ASPH: variants seen among roughly 807,000 people sequenced by gnomAD.
ASPH encodes aspartate beta-hydroxylase, also known as aspartyl/asparaginyl beta-hydroxylase.
ASPH carries 100 observed loss-of-function variants against 118.4 expected under a neutral mutation model. The ratio of observed to expected loss-of-function variants is 0.84; its 90% confidence interval spans 0.72 to 1.00. The LOEUF (loss-of-function observed/expected upper bound fraction) is 1.00, where lower values mean the gene tolerates loss of function less well. ASPH is among the 50% of genes least tolerant of loss of function. ASPH has a pLI of 0.00. For missense variants in ASPH, 920 were observed against 919.5 expected (o/e 1.00, Z -0.01); for synonymous variants, 315 against 325.6 (o/e 0.97, Z 0.35).
rs1313301060 is a variant in ASPH, at chr8:61,501,485, G to A, written c.*1874C>T. ...TGTAAGATGATGGCTCAAAAATGACGACTTATAGTTTGAATTTATGTGTAT... is the reference window on the plus strand; with the variant it reads ...TGTAAGATGATGGCTCAAAAATGACAACTTATAGTTTGAATTTATGTGTAT... On this transcript the variant is annotated 3_prime_UTR_variant, in exon 25 of 25. Transcript: ENST00000379454. 6.6e-6 allele frequency: 1 copy of A among 151,958 alleles called. No homozygotes were observed. Among genetic ancestry groups the A allele is most frequent in the Non-Finnish European group, 1.5e-5 (1 of 67,982 alleles). 9.4% of individuals were successfully genotyped at this position (151,958 alleles called of 1,614,324 possible). A position where few individuals can be genotyped will look rare whatever the true frequency, so the allele number is the denominator to read the frequency against.
chr8:61,684,694 A>G (rs1190054658), intron 1 of ASPH: 3 of 152,622 alleles, frequency 2.0e-5, no homozygotes, highest in African/African-American at 7.2e-5. Flanking sequence ...CTACTCCTTT[A>G]CAAGATCCGT....
chr8:61,524,750 T>A (rs1447038668), intron 22 of ASPH, among the ~76,000 whole-genome samples: 1 of 141,424 alleles, frequency 7.1e-6, no homozygotes, highest in African/African-American at 2.6e-5. Flanking sequence ...TTTTATCAAA[T>A]ACTTTTTTTT....
intron 1 of ASPH, among the ~76,000 whole-genome samples, chr8:61,696,548 AT>A (rs1192839707): frequency 6.6e-6 from 1 of 152,160 alleles, no homozygotes; most frequent in African/African-American, 2.4e-5. Flanking sequence ...AAAACACAAT[AT>A]AAATAGTAGT....
chr8:61,691,388 C>T (rs1234984986), intron 1 of ASPH, among the ~76,000 whole-genome samples: 1 of 152,192 alleles, frequency 6.6e-6, no homozygotes, highest in Non-Finnish European at 1.5e-5. Flanking sequence ...TCTGGCCAAG[C>T]GTCCTTTCCC....
chr8:61,645,259 C>G (rs1807352316), intron 6 of ASPH, among the ~76,000 whole-genome samples: 1 of 152,182 alleles, frequency 6.6e-6, no homozygotes, highest in African/African-American at 2.4e-5. Context: ...AAGATGAGAT[C>G]AGAAAGTAAG....
At chr8:61,635,258 A>T (rs1269207506) in intron 12 of ASPH, among the ~76,000 whole-genome samples, 1 of 152,022 alleles carries the variant, frequency 6.6e-6, no homozygotes, top group Non-Finnish European at 1.5e-5. Context: ...TCCTCACACA[A>T]TGGCTGTTCA....
chr8:61,672,285 AG>A (rs1822966086), intron 3 of ASPH, among the ~76,000 whole-genome samples: 1 of 152,160 alleles, frequency 6.6e-6, no homozygotes, highest in Non-Finnish European at 1.5e-5. Flanking sequence ...AACCCTCTAC[AG>A]TAAGTGGGGA....
chr8:61,600,389 G>A (rs1216735696), intron 14 of ASPH, among the ~76,000 whole-genome samples: 2 of 146,668 alleles, frequency 1.4e-5, no homozygotes, highest in African/African-American at 5.5e-5. Flanking sequence ...GAGCAAAAGG[G>A]CAAGAAAAAG....
intron 24 of ASPH, 182 bp downstream of exon 24, chr8:61,517,346 G>A (rs1286287163): frequency 1.2e-6 from 1 of 821,076 alleles, no homozygotes; most frequent in Non-Finnish European, 1.8e-6. Flanking sequence ...GCTGGGCAAT[G>A]TCTCCAGGCT....
intron 21 of ASPH, among the ~76,000 whole-genome samples, chr8:61,535,791 G>A (rs1362683771): frequency 6.6e-6 from 1 of 152,218 alleles, no homozygotes; most frequent in African/African-American, 2.4e-5. Context: ...ACGAGTAGCA[G>A]TGTAATCTGC....
chr8:61,517,516 G>T lies in ASPH; in HGVS notation c.2126+12C>A, dbSNP rs751973666. 6.2e-7 allele frequency: 1 copy of T among 1,613,256 alleles called. No individual in the cohort carries two copies. The highest frequency in any genetic ancestry group is 1.7e-5 in the Admixed American group (1 of 59,994). On this transcript the variant is annotated intron_variant, in intron 24 of 24. Coordinates refer to ENST00000379454, the MANE Select transcript of ASPH (RefSeq NM_004318.4). ...GAGGTGACGGATATGACGGATAACA[G>T]AGGACCCATACTTGGTCTCGTTGGC...
At chr8:61,645,457 A>G (rs1807446305) in intron 6 of ASPH, among the ~76,000 whole-genome samples, 1 of 152,232 alleles carries the variant, frequency 6.6e-6, no homozygotes, top group Non-Finnish European at 1.5e-5. Context: ...CATTTAGGCC[A>G]AAGACTGGAG....
At chr8:61,624,330 A>T in intron 13 of ASPH, 1 of 985,416 alleles carries the variant, frequency 1.0e-6, no homozygotes, top group South Asian at 4.7e-5. Context: ...TTTAATTTTA[A>T]TCTTGCTTCC....
intron 17 of ASPH, 83 bp from the exon 18 acceptor site, chr8:61,562,963 C>T (rs767197437): frequency 3.8e-6 from 5 of 1,330,124 alleles, no homozygotes; most frequent in Non-Finnish European, 4.9e-6. Flanking sequence ...TCATGAGAGA[C>T]TATTCACCAG....
At chr8:61,534,079 C>T (rs903380560) in intron 21 of ASPH, among the ~76,000 whole-genome samples, 11 of 152,264 alleles carry the variant, frequency 7.2e-5, no homozygotes, top group Middle Eastern at 3.4e-3. Flanking sequence ...TCCTGTGTAG[C>T]TGGGATTACA....
intron 21 of ASPH, among the ~76,000 whole-genome samples, chr8:61,540,275 G>A (rs1020323673): frequency 6.6e-6 from 1 of 152,310 alleles, no homozygotes; most frequent in Non-Finnish European, 1.5e-5. Context: ...GGTGGGGCCT[G>A]GTGGGAGGAG....
intron 15 of ASPH, 130 bp downstream of exon 15, chr8:61,583,814 C>A (rs1172662260): frequency 1.6e-6 from 1 of 630,032 alleles, no homozygotes; most frequent in East Asian, 3.2e-5. Context: ...GTTCATGTGC[C>A]TGGGGAAAAA....
chr8:61,577,564 G>A (rs541766493), intron 15 of ASPH, among the ~76,000 whole-genome samples: 2 of 152,194 alleles, frequency 1.3e-5, no homozygotes, highest in East Asian at 1.9e-4. Context: ...ACCTGAGACT[G>A]GATAATTTAT....
At chr8:61,523,918 C>T (rs369943076) in intron 22 of ASPH, among the ~76,000 whole-genome samples, 2 of 152,232 alleles carry the variant, frequency 1.3e-5, no homozygotes, top group African/African-American at 2.4e-5. Flanking sequence ...TAGTGAGACC[C>T]TATCTCTATA....
Sources: gnomAD v4.1 joint callset for allele counts (sites outside exome capture counted in the v4.1 genomes callset) on GRCh38, gnomAD v4.1.1 for gene constraint, MANE v1.5 for transcripts, NCBI Gene and HGNC (gene_info 2026-07-23, HGNC 2026-07-21) for gene names.